The following PDE8A variants were observed in gnomAD, a reference collection of about 807,000 sequenced individuals.
PDE8A encodes high affinity cAMP-specific and IBMX-insensitive 3',5'-cyclic phosphodiesterase 8A.
A neutral mutation model predicts 105.0 loss-of-function variants in PDE8A; 59 were observed. The observed-to-expected ratio is 0.56, with a 90% CI of 0.46 to 0.70. The LOEUF is 0.70. Ranked by LOEUF, PDE8A falls within the 30% of genes least tolerant of loss-of-function variation. The pLI is 0.00. For missense variants in PDE8A, 1,014 were observed against 1,045.9 expected, an observed-to-expected ratio of 0.97 and a Z score of 0.42; for synonymous variants, 355 against 371.9, an observed-to-expected ratio of 0.95 and a Z score of 0.52.
chr15:85,098,928 G>T (rs2081807666), intron 9 of PDE8A, among the ~76,000 whole-genome samples: 1 of 151,206 alleles, frequency 6.6e-6, no homozygotes, highest in African/African-American at 2.4e-5. Flanking sequence ...CTGTACTCCA[G>T]CCTGGGCAAC....
At chr15:85,093,554 A>G (rs2081685563) in intron 8 of PDE8A, among the ~76,000 whole-genome samples, 1 of 130,208 alleles carries the variant, frequency 7.7e-6, no homozygotes, top group African/African-American at 3.2e-5. Flanking sequence ...TAGGTGTTGG[A>G]TATTGAAGTT....
At chr15:85,054,804 A>G (rs1019459252) in intron 1 of PDE8A, among the ~76,000 whole-genome samples, 30 of 152,110 alleles carry the variant, frequency 2.0e-4, no homozygotes, top group Admixed American at 1.5e-3. Flanking sequence ...TTGTGTCGCT[A>G]TCTCCTTCAG....
upstream of PDE8A, chr15:84,980,525 G>C (rs926746094): frequency 6.6e-6 from 1 of 152,550 alleles, no homozygotes; most frequent in South Asian, 2.1e-4. Context: ...GGAGAGGACA[G>C]GAAGGAGCCG....
intron 20 of PDE8A, among the ~76,000 whole-genome samples, chr15:85,133,495 A>G (rs2082358675): frequency 6.6e-6 from 1 of 152,160 alleles, no homozygotes; most frequent in African/African-American, 2.4e-5. Flanking sequence ...AGTGTGGTGC[A>G]AGGTTGAGTG....
At chr15:85,115,691 A>G in intron 15 of PDE8A, 1 of 544,158 alleles carries the variant, frequency 1.8e-6, no homozygotes, top group South Asian at 2.5e-5. Context: ...CACCGCCGAG[A>G]TGGGCAGATC....
intron 6 of PDE8A, among the ~76,000 whole-genome samples, chr15:85,088,368 T>G (rs866019977): frequency 3.9e-5 from 6 of 152,352 alleles, no homozygotes; most frequent in African/African-American, 4.8e-5. Context: ...TCTGGACATT[T>G]CATACACTGT....
intron 1 of PDE8A, among the ~76,000 whole-genome samples, chr15:85,035,184 C>T (rs149438630): frequency 1.6e-3 from 234 of 147,236 alleles, no homozygotes; most frequent in Middle Eastern, 3.5e-3. Flanking sequence ...AGGACCTCAC[C>T]TCTGGGTATT....
At chr15:84,996,614 C>A (rs1020316644) in intron 1 of PDE8A, among the ~76,000 whole-genome samples, 2 of 151,930 alleles carry the variant, frequency 1.3e-5, no homozygotes, top group Non-Finnish European at 2.9e-5. Context: ...CACCTGAGGT[C>A]GTAAGTTCAA....
intron 1 of PDE8A, among the ~76,000 whole-genome samples, chr15:85,038,219 GT>G (rs2080742193): frequency 0.045 from 123 of 2,744 alleles, 1 homozygote; most frequent in Admixed American, 0.12. Context: ...ATTGGGGGGT[GT>G]GTGTGTGTGT....
chr15:85,049,931 C>T (rs1055194894), intron 1 of PDE8A, among the ~76,000 whole-genome samples: 1 of 152,082 alleles, frequency 6.6e-6, no homozygotes, highest in Non-Finnish European at 1.5e-5. Context: ...AGCAGCTATA[C>T]CATTTAATAT....
At chr15:85,117,493 C>A in intron 16 of PDE8A, 148 bp from the exon 17 acceptor site, 1 of 678,264 alleles carries the variant, frequency 1.5e-6, no homozygotes, top group Non-Finnish European at 2.6e-6. Flanking sequence ...TTGGTTGGCC[C>A]CACCAGAGAG....
chr15:85,046,070 T>C (rs959661159), intron 1 of PDE8A, among the ~76,000 whole-genome samples: 25 of 150,184 alleles, frequency 1.7e-4, no homozygotes, highest in Non-Finnish European at 2.8e-4. Flanking sequence ...TGTTTCTTTT[T>C]TTTTTTTTTT....
chr15:85,096,609 C>G (rs1226972007), intron 8 of PDE8A, among the ~76,000 whole-genome samples: 1 of 152,188 alleles, frequency 6.6e-6, no homozygotes, highest in Non-Finnish European at 1.5e-5. Context: ...GGTAGACATG[C>G]AAGTTGTGGA....
At chr15:85,122,474 G>C (rs1274709167) in intron 18 of PDE8A, among the ~76,000 whole-genome samples, 1 of 152,172 alleles carries the variant, frequency 6.6e-6, no homozygotes, top group Non-Finnish European at 1.5e-5. Context: ...TTTGCTTATA[G>C]TTACATCAGT....
Position 85,047,556 on chromosome 15 carries a change from T to C in PDE8A, c.187-16814T>C, listed in dbSNP as rs189955277. On this transcript the variant is annotated intron_variant, in intron 1 of 21. Coordinates refer to ENST00000394553, the MANE Select transcript of PDE8A (RefSeq NM_002605.3). Reference sequence around the variant, plus strand: ...GTGGTAAAAAGGAATTGCTGAAACATGAATGTTTTAAAATGATATTGCTAA... The same window carrying C: ...GTGGTAAAAAGGAATTGCTGAAACACGAATGTTTTAAAATGATATTGCTAA... Among the ~76,000 whole-genome samples, 3 of 152,084 alleles carry C rather than the reference T, an allele frequency of 2.0e-5. No individual in the cohort carries two copies. The East Asian group carries it at 5.8e-4, about 29-fold the overall frequency.
intron 1 of PDE8A, among the ~76,000 whole-genome samples, chr15:85,022,351 C>T (rs1274167260): frequency 1.3e-5 from 2 of 151,550 alleles, no homozygotes; most frequent in Non-Finnish European, 2.9e-5. Context: ...GACGGGGCAC[C>T]CTGCCTCTGC....
At chr15:85,080,100 G>A (rs2081441971) in intron 5 of PDE8A, among the ~76,000 whole-genome samples, 1 of 152,070 alleles carries the variant, frequency 6.6e-6, no homozygotes, top group Non-Finnish European at 1.5e-5. Context: ...AAAGAACACA[G>A]ATATTGATAT....
At chr15:85,013,371 G>A (rs2080272025) in intron 1 of PDE8A, among the ~76,000 whole-genome samples, 1 of 152,170 alleles carries the variant, frequency 6.6e-6, no homozygotes, top group Non-Finnish European at 1.5e-5. Context: ...TGCAAAATGG[G>A]AATAATGAAT....
At chr15:85,000,698 C>T (rs2080053185) in intron 1 of PDE8A, among the ~76,000 whole-genome samples, 1 of 152,188 alleles carries the variant, frequency 6.6e-6, no homozygotes, top group African/African-American at 2.4e-5. Context: ...GCCCTGGCTC[C>T]TCCCCACCAG....
Sources: allele counts gnomAD v4.1 joint callset (sites outside exome capture counted in the v4.1 genomes callset), GRCh38; gene constraint gnomAD v4.1.1; transcripts MANE v1.5; gene names NCBI Gene and HGNC (gene_info 2026-07-23, HGNC 2026-07-21).